CEP63: variants seen among roughly 807,000 people sequenced by gnomAD.
CEP63 encodes centrosomal protein of 63 kDa.
Under a neutral mutation model 89.1 loss-of-function variants are expected in CEP63, and 84 were observed. The observed-to-expected ratio is 0.94, with a 90% CI of 0.79 to 1.13. The LOEUF (loss-of-function observed/expected upper bound fraction) is 1.13. Among genes scored for constraint, CEP63 ranks in the 50% most tolerant of loss-of-function variants. The probability of loss-of-function intolerance (pLI) is 0.00; values close to 1 mark genes in which losing one functional copy is unlikely to be tolerated. For synonymous variants in CEP63, 267 were observed against 272.5 expected, an observed-to-expected ratio of 0.98 and a Z score of 0.20; for missense variants, 838 against 813.3, an observed-to-expected ratio of 1.03 and a Z score of -0.37.
the CEP63 span, chr3:134,607,427 G>A: frequency 2.0e-6 from 2 of 985,506 alleles, no homozygotes; most frequent in African/African-American, 1.7e-5. Flanking sequence ...CCACCCACAG[G>A]CACCCTGTGC....
At chr3:134,780,789 C>G in the CEP63 span, among the ~76,000 whole-genome samples, 1 of 152,122 alleles carries the variant, frequency 6.6e-6, no homozygotes, top group African/African-American at 2.4e-5. Context: ...TTTTATTAAT[C>G]AAGTGTATCT....
At chr3:134,507,441 C>G (rs1340389363) in intron 3 of CEP63, among the ~76,000 whole-genome samples, 155 bp downstream of exon 3, 2 of 151,888 alleles carry the variant, frequency 1.3e-5, no homozygotes, top group African/African-American at 4.8e-5. Flanking sequence ...AAGAAAAATT[C>G]ATTGTGAAAA....
the CEP63 span, chr3:134,643,345 G>T: frequency 3.1e-6 from 5 of 1,613,858 alleles, no homozygotes; most frequent in Non-Finnish European, 4.2e-6. Flanking sequence ...GATGACCTGG[G>T]GCTGCTGAGG....
At chr3:134,555,770 C>A (rs1956024995) in intron 12 of CEP63, among the ~76,000 whole-genome samples, 1 of 150,908 alleles carries the variant, frequency 6.6e-6, no homozygotes, top group Admixed American at 6.6e-5. Context: ...TTGGAAAAAA[C>A]TACTTTAAAG....
chr3:134,696,591 GAGAA>G, the CEP63 span, among the ~76,000 whole-genome samples: 1 of 152,186 alleles, frequency 6.6e-6, no homozygotes, highest in African/African-American at 2.4e-5. Context: ...CAGACAAAAT[GAGAA>G]AGAATGATTG....
chr3:134,486,281 G>T, intron 1 of CEP63, 79 bp downstream of exon 1: 2 of 985,578 alleles, frequency 2.0e-6, no homozygotes, highest in Non-Finnish European at 2.4e-6. Context: ...GCAAGGGGCT[G>T]CCGTGTCCTG....
the CEP63 span, among the ~76,000 whole-genome samples, chr3:134,644,682 ATTC>A: frequency 3.3e-5 from 5 of 152,298 alleles, no homozygotes; most frequent in South Asian, 6.2e-4. Flanking sequence ...CATTTAGATG[ATTC>A]TTCTTGTGCA....
chr3:134,643,578 C>T, the CEP63 span, among the ~76,000 whole-genome samples: 8 of 152,228 alleles, frequency 5.3e-5, no homozygotes, highest in Non-Finnish European at 1.2e-4. Context: ...GCCTGGAAGC[C>T]CCTGTGCACA....
chr3:134,511,785 G>A (rs1945011955), intron 3 of CEP63, among the ~76,000 whole-genome samples: 1 of 152,118 alleles, frequency 6.6e-6, no homozygotes, highest in African/African-American at 2.4e-5. Context: ...CACAAGAACA[G>A]CAAGGGGGAA....
At chr3:134,508,388 C>T (rs181091432) in intron 3 of CEP63, among the ~76,000 whole-genome samples, 213 of 152,212 alleles carry the variant, frequency 1.4e-3, no homozygotes, top group South Asian at 1.5e-3. Context: ...GAAGGTGATG[C>T]AAAAGTACAG....
chr3:134,656,353 T>C, the CEP63 span, among the ~76,000 whole-genome samples: 1 of 152,002 alleles, frequency 6.6e-6, no homozygotes, highest in Non-Finnish European at 1.5e-5. Flanking sequence ...AGCAGGCCAG[T>C]CTGGTTGGTG....
chr3:134,498,620 C>T (rs1292272377), intron 2 of CEP63, among the ~76,000 whole-genome samples: 4 of 152,142 alleles, frequency 2.6e-5, no homozygotes, highest in Non-Finnish European at 5.9e-5. Context: ...AAGTGGGCAT[C>T]CTTGTTGTGT....
At chr3:134,694,476 T>G in the CEP63 span, among the ~76,000 whole-genome samples, 1 of 152,222 alleles carries the variant, frequency 6.6e-6, no homozygotes, top group Non-Finnish European at 1.5e-5. Flanking sequence ...TCATCTTCAC[T>G]CTTCTTCATT....
At chr3:134,633,545 AT>A in the CEP63 span, among the ~76,000 whole-genome samples, 11 of 152,130 alleles carry the variant, frequency 7.2e-5, no homozygotes, top group Non-Finnish European at 1.5e-4. Flanking sequence ...ATTTGACAAA[AT>A]TTAACATCCG....
At chr3:134,695,719 G>A in the CEP63 span, among the ~76,000 whole-genome samples, 5 of 152,240 alleles carry the variant, frequency 3.3e-5, no homozygotes, top group Non-Finnish European at 7.3e-5. Flanking sequence ...CTGCGCCTAG[G>A]AAACTGATTA....
intron 11 of CEP63, among the ~76,000 whole-genome samples, chr3:134,572,948 A>G (rs2110291328): frequency 6.6e-6 from 1 of 152,292 alleles, no homozygotes; most frequent in East Asian, 1.9e-4. Flanking sequence ...GATAATAGCC[A>G]TTCTGACTGA....
downstream of CEP63, among the ~76,000 whole-genome samples, chr3:134,577,775 G>A (rs1467417379): frequency 2.6e-5 from 4 of 151,584 alleles, no homozygotes; most frequent in Non-Finnish European, 2.9e-5. Context: ...TCATCTTTCC[G>A]TCCACCCCCG....
At chr3:134,525,704 T>A (rs1948503829) in intron 3 of CEP63, among the ~76,000 whole-genome samples, 4 of 152,216 alleles carry the variant, frequency 2.6e-5, no homozygotes. Context: ...AGAGCTTAGT[T>A]TGGCCAGATA....
At chr3:134,673,405 C>T in the CEP63 span, among the ~76,000 whole-genome samples, 1 of 152,238 alleles carries the variant, frequency 6.6e-6, no homozygotes, top group Admixed American at 6.5e-5. Context: ...CTCCTTTTGG[C>T]CTCTCTTCCT....
Sources: allele counts gnomAD v4.1 joint callset (sites outside exome capture counted in the v4.1 genomes callset), GRCh38; gene constraint gnomAD v4.1.1; transcripts MANE v1.5; gene names NCBI Gene and HGNC (gene_info 2026-07-23, HGNC 2026-07-21).